The following FILIP1 variants were observed in gnomAD, a reference collection of about 807,000 sequenced individuals.
FILIP1 encodes filamin A interacting protein 1, also known as filamin-A-interacting protein 1.
In FILIP1, 61 loss-of-function variants were observed where a neutral mutation model predicts 102.1. The observed-to-expected ratio is 0.60, with a 90% CI of 0.49 to 0.74. The LOEUF is 0.74. FILIP1 is among the 30% of genes least tolerant of loss of function. FILIP1 has a pLI of 0.00. For synonymous variants in FILIP1, 491 were observed against 526.9 expected (o/e 0.93, Z 0.93); for missense variants, 1,314 against 1,441.2 (o/e 0.91, Z 1.43).
intron 1 of FILIP1, among the ~76,000 whole-genome samples, chr6:75,484,187 G>C (rs1779721473): frequency 6.6e-6 from 1 of 152,016 alleles, no homozygotes; most frequent in African/African-American, 2.4e-5. Flanking sequence ...TTAAAAGTAA[G>C]CCAGGCAACG....
intron 4 of FILIP1, among the ~76,000 whole-genome samples, chr6:75,335,202 C>G (rs558245777): frequency 6.6e-6 from 1 of 152,234 alleles, no homozygotes; most frequent in East Asian, 1.9e-4. Context: ...AGTTAAGGTA[C>G]ATGGTATCTA....
chr6:75,326,177 A>G (rs1773857511), intron 4 of FILIP1, among the ~76,000 whole-genome samples: 1 of 152,162 alleles, frequency 6.6e-6, no homozygotes, highest in African/African-American at 2.4e-5. Flanking sequence ...CATAAAAAGG[A>G]ACAAAATAAT....
chr6:75,413,710 G>T (rs905864527), intron 2 of FILIP1, among the ~76,000 whole-genome samples: 2 of 151,170 alleles, frequency 1.3e-5, no homozygotes, highest in Non-Finnish European at 2.9e-5. Context: ...TCCTTCAAAG[G>T]CTCATGCAAG....
At chr6:75,391,372 C>T (rs1380831884) in intron 2 of FILIP1, among the ~76,000 whole-genome samples, 1 of 152,122 alleles carries the variant, frequency 6.6e-6, no homozygotes, top group Admixed American at 6.6e-5. Flanking sequence ...GCTGTTAATT[C>T]TATCAAGAAA....
At chr6:75,485,479 A>G (rs1779756635) in intron 1 of FILIP1, among the ~76,000 whole-genome samples, 1 of 152,208 alleles carries the variant, frequency 6.6e-6, no homozygotes, top group Admixed American at 6.5e-5. Context: ...CATCCCATAT[A>G]AAACATTCAC....
At chr6:75,356,022 A>G (rs1353262860) in intron 3 of FILIP1, among the ~76,000 whole-genome samples, 1 of 152,146 alleles carries the variant, frequency 6.6e-6, no homozygotes, top group Admixed American at 6.5e-5. Flanking sequence ...TGTGACAATC[A>G]AACCATCCTG....
chr6:75,360,537 G>C lies in FILIP1; in HGVS notation c.450+2207C>G, dbSNP rs1221135194. 7.2e-5 allele frequency: 11 copies of C among 152,074 alleles called. No homozygotes were observed. In the East Asian group the frequency reaches 1.7e-3, roughly 24 times the overall value. 9.4% of individuals were successfully genotyped at this position (152,074 alleles called of 1,614,324 possible). A position where few individuals can be genotyped will look rare whatever the true frequency, so the allele number is the denominator to read the frequency against. The stretch of plus-strand genomic sequence containing the variant: ...TTAGGCTAAGCAGAATACAAAATTA[G>C]GAAGGAAAGAAATGAAAGCCTTCAA... On this transcript the variant is annotated intron_variant, in intron 3 of 5. Transcript: ENST00000237172.
chr6:75,398,366 T>C (rs1388301904), intron 2 of FILIP1, among the ~76,000 whole-genome samples: 2 of 152,162 alleles, frequency 1.3e-5, no homozygotes, highest in Non-Finnish European at 2.9e-5. Flanking sequence ...CAAAGAAACA[T>C]ATTCCACTAC....
intron 1 of FILIP1, among the ~76,000 whole-genome samples, chr6:75,470,403 A>G (rs528100570): frequency 6.6e-6 from 1 of 152,280 alleles, no homozygotes; most frequent in South Asian, 2.1e-4. Flanking sequence ...CAATAAGGCC[A>G]CAGACTCTAA....
At position 75,315,060 on chromosome 6, in the gene FILIP1, T is replaced by C. The variant is rs779284288; in HGVS notation, c.772A>G (p.Ile258Val). ...LMLVDERQMH[I>V]EQLGLQSQKV... ...TGGCTTTGCAGGCCAAGTTGTTCAATGTGCATTTGTCTTTCATCCACCAGC... is the reference window on the plus strand; with the variant it reads ...TGGCTTTGCAGGCCAAGTTGTTCAACGTGCATTTGTCTTTCATCCACCAGC... Residue 258 changes from isoleucine (I) to valine (V), a missense_variant, in exon 5 of 6, where the codon ATT becomes GTT. Around this residue, in one of 3 missense-constraint regions of FILIP1, gnomAD observed 494 missense variants for 511.2 expected, o/e 0.97. Transcript: ENST00000237172. 43 of 1,614,060 alleles carry C rather than the reference T, an allele frequency of 2.7e-5. No individual in the cohort carries two copies. Among genetic ancestry groups the C allele is most frequent in the Non-Finnish European group, 3.4e-5 (40 of 1,180,012 alleles).
At chr6:75,294,376 T>A (rs930081060) in exon 7 of FILIP1, 1 of 152,130 alleles carries the variant, frequency 6.6e-6, no homozygotes, top group Non-Finnish European at 1.5e-5. Context: ...ATGTGTCAAC[T>A]CTTAATTTAT....
intron 1 of FILIP1, among the ~76,000 whole-genome samples, chr6:75,448,458 C>T (rs532485292): frequency 5.3e-5 from 8 of 152,068 alleles, no homozygotes; most frequent in Non-Finnish European, 1.2e-4. Flanking sequence ...ACTTCATGTC[C>T]AGGAACCCAA....
intron 2 of FILIP1, among the ~76,000 whole-genome samples, chr6:75,394,565 C>T (rs1412829164): frequency 1.3e-5 from 2 of 151,970 alleles, no homozygotes; most frequent in Non-Finnish European, 2.9e-5. Context: ...CTTTGTTATA[C>T]AAAAAGCTCT....
chr6:75,451,054 A>G (rs1035991390), intron 1 of FILIP1, among the ~76,000 whole-genome samples: 1 of 152,046 alleles, frequency 6.6e-6, no homozygotes, highest in African/African-American at 2.4e-5. Flanking sequence ...TGGGGCAGGG[A>G]TAAGTGTTGG....
At chr6:75,302,294 C>G (rs1772860475) in intron 6 of FILIP1, among the ~76,000 whole-genome samples, 1 of 152,156 alleles carries the variant, frequency 6.6e-6, no homozygotes, top group African/African-American at 2.4e-5. Flanking sequence ...ATCTCATTAC[C>G]TGTGTGTTCT....
At chr6:75,299,141 T>A (rs1331571699) in intron 6 of FILIP1, among the ~76,000 whole-genome samples, 1 of 152,154 alleles carries the variant, frequency 6.6e-6, no homozygotes, top group East Asian at 1.9e-4. Context: ...TAAAATAATG[T>A]TATAAATCTT....
At chr6:75,387,435 T>C (rs941937581) in intron 2 of FILIP1, among the ~76,000 whole-genome samples, 7 of 152,212 alleles carry the variant, frequency 4.6e-5, no homozygotes, top group African/African-American at 1.7e-4. Flanking sequence ...CAAATGGTAT[T>C]TCTAGTTCTA....
intron 2 of FILIP1, among the ~76,000 whole-genome samples, chr6:75,404,069 C>T (rs1002483444): frequency 1.3e-5 from 2 of 152,068 alleles, no homozygotes; most frequent in African/African-American, 4.8e-5. Context: ...AGGACCGCAC[C>T]CAAGACCCTG....
At chr6:75,372,425 T>A (rs1582408328) in intron 2 of FILIP1, among the ~76,000 whole-genome samples, 1 of 147,258 alleles carries the variant, frequency 6.8e-6, no homozygotes, top group African/African-American at 2.5e-5. Flanking sequence ...AGAACTCTTA[T>A]GGCAAAAAAG....
Sources: allele counts gnomAD v4.1 joint callset (sites outside exome capture counted in the v4.1 genomes callset), GRCh38; gene constraint gnomAD v4.1.1; regional missense constraint gnomAD v4.1.1; transcripts MANE v1.5; gene names NCBI Gene and HGNC (gene_info 2026-07-23, HGNC 2026-07-21).